Variants in PEDS1 observed in about 807,000 individuals in gnomAD.
PEDS1 encodes the protein CarF homolog.
A neutral mutation model predicts 35.2 loss-of-function variants in PEDS1; 14 were observed. That is an observed-to-expected ratio of 0.40 (90% CI 0.26 to 0.62). PEDS1 has a LOEUF of 0.62. PEDS1 is among the 20% of genes least tolerant of loss of function. The probability of loss-of-function intolerance (pLI) is 0.44; values close to 1 mark genes in which losing one functional copy is unlikely to be tolerated. For missense variants in PEDS1, 260 were observed against 367.8 expected, an observed-to-expected ratio of 0.71 and a Z score of 2.40; for synonymous variants, 152 against 152.0, an observed-to-expected ratio of 1.00 and a Z score of 0.00.
Position 50,122,872 on chromosome 20 carries a change from C to T in PEDS1, c.*2186G>A, listed in dbSNP as rs756553490. 4 of 151,386 alleles carry T rather than the reference C, an allele frequency of 2.6e-5. No homozygotes were observed. The highest frequency in any genetic ancestry group is 7.3e-5 in the African/African-American group (3 of 41,080). 9.4% of individuals were successfully genotyped at this position (151,386 alleles called of 1,614,324 possible). On this transcript the variant is annotated 3_prime_UTR_variant, in exon 6 of 6. Transcript: ENST00000371652. ...ATTCCAGCACTTTGGAAGGCCAAGG[C>T]GGATCACTTGAGGCCAGGAGTTCAA...
chr20:50,128,223 T>C lies in PEDS1; in HGVS notation c.479-36A>G. On this transcript the variant is annotated intron_variant, in intron 4 of 5. Transcript: ENST00000371652. This position sits in a 1 kb window ranked among gnomAD's most constrained non-coding sequence, Gnocchi z 5.2. The stretch of plus-strand genomic sequence containing the variant: ...GGGAGAGGGGGGGCCGGCACAGCTG[T>C]CACTCGGGACGGGGAACCCACCCCA... 1.2e-6 allele frequency: 2 copies of C among 1,611,126 alleles called. No homozygotes were observed. Among genetic ancestry groups the C allele is most frequent in the African/African-American group, 2.7e-5 (2 of 74,966 alleles).
At chr20:50,149,261 C>T (rs2081377222) in intron 1 of PEDS1, among the ~76,000 whole-genome samples, 1 of 152,150 alleles carries the variant, frequency 6.6e-6, no homozygotes. Context: ...CTCCTGACAC[C>T]CTCCACCTTT....
intron 1 of PEDS1, among the ~76,000 whole-genome samples, chr20:50,146,568 G>A (rs774754291): frequency 8.5e-5 from 13 of 152,102 alleles, no homozygotes; most frequent in Non-Finnish European, 1.5e-4. Flanking sequence ...GGAAACTGAG[G>A]CTCAGGGAGA....
chr20:50,137,890 A>G (rs2081253308), intron 2 of PEDS1, among the ~76,000 whole-genome samples: 1 of 152,156 alleles, frequency 6.6e-6, no homozygotes, highest in Non-Finnish European at 1.5e-5. Context: ...AACAAAAAAA[A>G]CTGGACAAGA....
chr20:50,134,071 A>T (rs1601216540), intron 2 of PEDS1, among the ~76,000 whole-genome samples: 1 of 152,310 alleles, frequency 6.6e-6, no homozygotes, highest in South Asian at 2.1e-4. Flanking sequence ...AAGAGCTATG[A>T]CAGAACTAGA....
At chr20:50,149,507 G>C (rs1423058535) in intron 1 of PEDS1, among the ~76,000 whole-genome samples, 1 of 152,192 alleles carries the variant, frequency 6.6e-6, no homozygotes. Context: ...CTGACATCTG[G>C]CATGAGGTGG....
intron 1 of PEDS1, among the ~76,000 whole-genome samples, chr20:50,147,436 C>T (rs2081357541): frequency 6.6e-6 from 1 of 152,198 alleles, no homozygotes; most frequent in Non-Finnish European, 1.5e-5. Flanking sequence ...CCTGGCTGGG[C>T]CCCTGCAGTC....
intron 2 of PEDS1, among the ~76,000 whole-genome samples, chr20:50,141,373 TA>T (rs1033504285): frequency 1.3e-5 from 2 of 152,218 alleles, no homozygotes; most frequent in African/African-American, 4.8e-5. Context: ...CATCCGTGAT[TA>T]AACTGACCAG....
chr20:50,126,189 T>C (rs762190716), intron 5 of PEDS1, among the ~76,000 whole-genome samples: 10 of 152,232 alleles, frequency 6.6e-5, no homozygotes, highest in Admixed American at 3.9e-4. Flanking sequence ...GTGCTTAGAA[T>C]ACAGCCAGGC....
intron 1 of PEDS1, among the ~76,000 whole-genome samples, chr20:50,145,300 C>A (rs2081334404): frequency 6.6e-6 from 1 of 152,206 alleles, no homozygotes. Flanking sequence ...GAAGCTGAGG[C>A]GAGAGGATTG....
At chr20:50,134,592 C>T (rs1569044525) in intron 2 of PEDS1, among the ~76,000 whole-genome samples, 1 of 152,156 alleles carries the variant, frequency 6.6e-6, no homozygotes. Flanking sequence ...AAAGAAATAG[C>T]TACAGAGGAG....
intron 1 of PEDS1, among the ~76,000 whole-genome samples, chr20:50,152,573 T>G (rs1169556257): frequency 6.6e-6 from 1 of 152,066 alleles, no homozygotes; most frequent in East Asian, 1.9e-4. Flanking sequence ...GGGGGGTGCT[T>G]GCTGGAGCAT....
At chr20:50,125,553 T>TATCTATCC (rs1555883147) in intron 5 of PEDS1, among the ~76,000 whole-genome samples, 5 of 56,400 alleles carry the variant, frequency 8.9e-5, no homozygotes, top group African/African-American at 2.7e-4. Flanking sequence ...TTTATCTATC[T>TATCTATCC]ATCTATCTAT....
chr20:50,151,270 G>A (rs2081399831), intron 1 of PEDS1: 6 of 1,304,212 alleles, frequency 4.6e-6, no homozygotes, highest in Non-Finnish European at 6.1e-6. Flanking sequence ...CAGGCTGTCT[G>A]CAGACTCTGA....
chr20:50,143,010 T>C (rs1460042394), intron 2 of PEDS1, among the ~76,000 whole-genome samples: 1 of 152,100 alleles, frequency 6.6e-6, no homozygotes. Context: ...CGGTGTTCTA[T>C]TCAGCTGCAG....
chr20:50,124,875 A>G lies in PEDS1; in HGVS notation c.*183T>C, dbSNP rs952686506. 5.4e-5 allele frequency: 43 copies of G among 793,540 alleles called. No individual in the cohort carries two copies. In the African/African-American group the frequency reaches 6.6e-4, roughly 12 times the overall value. 49.2% of individuals were successfully genotyped at this position (793,540 alleles called of 1,614,324 possible). Reference sequence around the variant, plus strand: ...GGAGGGGCCGAGGAAAAAAAAAAAAAAGAAATGAAAAATCAGTGGCTCAAG... The same window carrying G: ...GGAGGGGCCGAGGAAAAAAAAAAAAGAGAAATGAAAAATCAGTGGCTCAAG... On this transcript the variant is annotated 3_prime_UTR_variant, in exon 6 of 6. Coordinates refer to ENST00000371652, the MANE Select transcript of PEDS1 (RefSeq NM_199129.4).
chr20:50,139,928 A>C (rs2081275831), intron 2 of PEDS1, among the ~76,000 whole-genome samples: 1 of 151,300 alleles, frequency 6.6e-6, no homozygotes, highest in Non-Finnish European at 1.5e-5. Context: ...GCCCGGCCGG[A>C]CCCCCAGATT....
chr20:50,141,781 C>A (rs2081293965), intron 2 of PEDS1, among the ~76,000 whole-genome samples: 1 of 152,238 alleles, frequency 6.6e-6, no homozygotes, highest in African/African-American at 2.4e-5. Context: ...GGCTTCCCAG[C>A]AATGGATGGG....
chr20:50,133,963 A>G lies in PEDS1; in HGVS notation c.242-3016T>C, dbSNP rs6095776. ...CTTTTGTGTCCTTAAACTGCACTGC[A>G]GCAGGTCCATGGCATTATTAGAGCT... On this transcript the variant is annotated intron_variant, in intron 2 of 5. Coordinates refer to ENST00000371652, the MANE Select transcript of PEDS1 (RefSeq NM_199129.4). Among the ~76,000 whole-genome samples, 1,516 of 152,328 alleles carry G rather than the reference A, an allele frequency of 1.0e-2. 23 individuals carry two copies. Among genetic ancestry groups the G allele is most frequent in the African/African-American group, 0.033 (1,361 of 41,568 alleles).
Sources: allele counts gnomAD v4.1 joint callset (sites outside exome capture counted in the v4.1 genomes callset), GRCh38; gene constraint gnomAD v4.1.1; non-coding constraint Gnocchi (gnomAD v3.1); transcripts MANE v1.5; gene names NCBI Gene and HGNC (gene_info 2026-07-23, HGNC 2026-07-21).